Variants in MEGF6 observed in about 807,000 individuals in gnomAD.
MEGF6 encodes the protein multiple EGF like domains 6.
In MEGF6, 184 loss-of-function variants were observed where a neutral mutation model predicts 207.1. The observed-to-expected ratio is 0.89, with a 90% CI of 0.79 to 1.00. MEGF6 has a LOEUF of 1.00. Among genes scored for constraint, MEGF6 ranks in the 50% least tolerant of loss-of-function variants. MEGF6 has a pLI of 0.00. For missense variants in MEGF6, 2,282 were observed against 2,202.9 expected (o/e 1.04, Z -0.72); for synonymous variants, 1,038 against 910.0 (o/e 1.14, Z -2.53).
At chr1:3,562,610 T>C (rs532257274) in intron 4 of MEGF6, among the ~76,000 whole-genome samples, 23 of 152,314 alleles carry the variant, frequency 1.5e-4, no homozygotes, top group South Asian at 1.2e-3. Context: ...CTCAGCACTT[T>C]TCTATGATTT....
At chr1:3,553,180 A>C (rs985192899) in intron 4 of MEGF6, among the ~76,000 whole-genome samples, 1 of 143,894 alleles carries the variant, frequency 6.9e-6, no homozygotes. Context: ...TGACCCCCCA[A>C]ATCCTCTTCC....
chr1:3,499,878 C>G lies in MEGF6; in HGVS notation c.2754G>C (p.Gln918His). The G allele has an allele frequency of 6.4e-7, 1 of 1,560,740 alleles. No individual in the cohort carries two copies. The highest frequency in any genetic ancestry group is 1.2e-5 in the South Asian group (1 of 84,770). Residue 918 changes from glutamine to histidine, a missense_variant, in exon 22 of 37, where the codon CAG becomes CAC. Gln to His is a conservative substitution (Grantham distance 24). Coordinates refer to ENST00000356575, the MANE Select transcript of MEGF6 (RefSeq NM_001409.4). ...HFGPGCEQRC[Q>H]CQHGAACDHV... ...GGTCACAGGCTGCTCCATGCTGACACTGGCACCGCTGCTCACAGCCGGGCC... is the reference window on the plus strand; with the variant it reads ...GGTCACAGGCTGCTCCATGCTGACAGTGGCACCGCTGCTCACAGCCGGGCC...
chr1:3,545,480 C>T (rs1642671776), intron 4 of MEGF6, among the ~76,000 whole-genome samples: 1 of 152,156 alleles, frequency 6.6e-6, no homozygotes, highest in Non-Finnish European at 1.5e-5. Context: ...TGGAGGTGGC[C>T]AAGTCCTGGG....
At chr1:3,617,465 G>T in the MEGF6 span, among the ~76,000 whole-genome samples, 1 of 152,110 alleles carries the variant, frequency 6.6e-6, no homozygotes, top group African/African-American at 2.4e-5. Flanking sequence ...AACAGCACTC[G>T]CTGGGGCCTG....
At chr1:3,606,750 C>T (rs1192176477) in intron 1 of MEGF6, among the ~76,000 whole-genome samples, 2 of 152,222 alleles carry the variant, frequency 1.3e-5, no homozygotes, top group Non-Finnish European at 2.9e-5. Flanking sequence ...GCCCTGGGCA[C>T]AGGTGACCTT....
upstream of MEGF6, among the ~76,000 whole-genome samples, chr1:3,611,681 C>T (rs1332068035): frequency 6.7e-6 from 1 of 148,458 alleles, no homozygotes; most frequent in Non-Finnish European, 1.5e-5. Context: ...CTGTACTTGC[C>T]CGTATCCCTC....
intron 26 of MEGF6, among the ~76,000 whole-genome samples, chr1:3,498,058 G>A (rs1415964551): frequency 1.3e-5 from 2 of 152,098 alleles, no homozygotes; most frequent in Non-Finnish European, 2.9e-5. Flanking sequence ...GGGTGAAGGG[G>A]CCCCTCTCTG....
intron 1 of MEGF6, among the ~76,000 whole-genome samples, chr1:3,603,079 G>A (rs552174897): frequency 1.8e-4 from 27 of 152,274 alleles, no homozygotes; most frequent in Admixed American, 1.6e-3. Flanking sequence ...TGAAGTCAGC[G>A]GCTCCCCGGC....
chr1:3,583,362 AGCCACCAGACAACC>A (rs1419948316), intron 3 of MEGF6, among the ~76,000 whole-genome samples: 7 of 96,688 alleles, frequency 7.2e-5, no homozygotes, highest in African/African-American at 3.3e-4. Context: ...GACAACGCGC[AGCCACCAGACAACC>A]CACAGCCACC....
intron 14 of MEGF6, 45 bp downstream of exon 14, chr1:3,507,750 C>T (rs200568474): frequency 1.9e-6 from 3 of 1,612,110 alleles, no homozygotes; most frequent in Non-Finnish European, 2.5e-6. Flanking sequence ...ACTTCCCTTA[C>T]AGCCCAGGGG....
the MEGF6 span, among the ~76,000 whole-genome samples, chr1:3,619,764 G>A: frequency 0.79 from 120,660 of 152,162 alleles, 47,990 homozygotes; most frequent in East Asian, 0.98. Context: ...GAGTGTGAAC[G>A]TGGACTAATA....
chr1:3,531,488 G>T, intron 4 of MEGF6: 2 of 1,068,054 alleles, frequency 1.9e-6, no homozygotes, highest in South Asian at 8.9e-5. Flanking sequence ...CAAGTCCGCA[G>T]ACAACCGAGG....
At position 3,501,142 on chromosome 1, in the gene MEGF6, G is replaced by A. The variant is rs560200841; in HGVS notation, c.2446+35C>T. 5 of 1,612,646 alleles carry A rather than the reference G, an allele frequency of 3.1e-6. No homozygotes were observed. In the African/African-American group the frequency reaches 5.3e-5, roughly 17 times the overall value. Reference sequence around the variant, plus strand: ...GAGTGGGGCCTGGCCACCTACCCCAGGTCAAAGGCTCAGGGGCAGCTCCAG... The same window carrying A: ...GAGTGGGGCCTGGCCACCTACCCCAAGTCAAAGGCTCAGGGGCAGCTCCAG... On this transcript the variant is annotated intron_variant, in intron 19 of 36. Transcript: ENST00000356575.
intron 25 of MEGF6, 24 bp downstream of exon 25, chr1:3,498,674 C>T (rs1252633147): frequency 1.3e-6 from 2 of 1,540,912 alleles, no homozygotes; most frequent in Admixed American, 1.9e-5. Context: ...GGGGTATGTC[C>T]CTCCTCTGCC....
intron 5 of MEGF6, among the ~76,000 whole-genome samples, chr1:3,523,598 G>T (rs577942232): frequency 6.6e-6 from 1 of 152,274 alleles, no homozygotes; most frequent in East Asian, 1.9e-4. Context: ...GCTGGGCAGG[G>T]ATCACCTGGG....
chr1:3,531,404 G>GC, intron 4 of MEGF6: 1 of 1,144,320 alleles, frequency 8.7e-7, no homozygotes, highest in African/African-American at 1.6e-5. Flanking sequence ...CCGCCCGGGA[G>GC]CCGCTCTGGG....
chr1:3,608,632 G>A (rs946739348), intron 1 of MEGF6, among the ~76,000 whole-genome samples: 3 of 152,156 alleles, frequency 2.0e-5, no homozygotes, highest in East Asian at 1.9e-4. Flanking sequence ...CCTGAGCCCC[G>A]CGAAGCAGAC....
intron 4 of MEGF6, among the ~76,000 whole-genome samples, chr1:3,530,058 G>A (rs530162671): frequency 4.4e-4 from 67 of 152,298 alleles, no homozygotes; most frequent in Non-Finnish European, 7.6e-4. Context: ...GCTCCCGAGC[G>A]CCCAGCGACA....
At position 3,496,705 on chromosome 1, in the gene MEGF6, G is replaced by A. The variant is rs753892111; in HGVS notation, c.3692C>T (p.Thr1231Met). The A allele has an allele frequency of 1.7e-5, 27 of 1,560,784 alleles. No homozygotes were observed. The highest frequency in any genetic ancestry group is 6.8e-5 in the African/African-American group (5 of 73,426). Residue 1231 changes from threonine (T) to methionine (M), a missense_variant, in exon 29 of 37, where the codon ACG becomes ATG. Physicochemically the swap from Thr to Met is moderately conservative, Grantham distance 81. Coordinates refer to ENST00000356575, the MANE Select transcript of MEGF6 (RefSeq NM_001409.4). ...CLNGGSCDAA[T>M]GACRCPTGFL... ...CCCAGTGGGGCAGCGGCAGGCCCCC[G>A]TGGCCGCATCACAGGAGCCCCCGTT...
Sources: allele counts gnomAD v4.1 joint callset (sites outside exome capture counted in the v4.1 genomes callset), GRCh38; gene constraint gnomAD v4.1.1; transcripts MANE v1.5; gene names NCBI Gene and HGNC (gene_info 2026-07-23, HGNC 2026-07-21).